The following MDGA1 variants were observed in gnomAD, a reference collection of about 807,000 sequenced individuals.
MDGA1 encodes MAM domain containing glycosylphosphatidylinositol anchor 1.
MDGA1 carries 54 observed loss-of-function variants against 101.5 expected under a neutral mutation model. The observed-to-expected ratio is 0.53, with a 90% confidence interval of 0.43 to 0.67. MDGA1 has a LOEUF of 0.67. Among genes scored for constraint, MDGA1 ranks in the 30% least tolerant of loss-of-function variants. MDGA1 has a pLI of 0.00. For missense variants in MDGA1, 1,083 were observed against 1,323.8 expected (o/e 0.82, Z 2.82); for synonymous variants, 533 against 558.3 (o/e 0.95, Z 0.64).
intron 1 of MDGA1, among the ~76,000 whole-genome samples, chr6:37,680,524 G>A (rs1299786291): frequency 6.6e-6 from 1 of 152,234 alleles, no homozygotes; most frequent in East Asian, 1.9e-4. Flanking sequence ...CTAGACACCT[G>A]GCAGCACTAG....
intron 1 of MDGA1, among the ~76,000 whole-genome samples, chr6:37,669,946 G>A (rs1471012335): frequency 1.3e-5 from 2 of 152,136 alleles, no homozygotes; most frequent in Non-Finnish European, 2.9e-5. Flanking sequence ...ATGATGACTC[G>A]AAAACAGGGA....
chr6:37,654,514 C>T lies in MDGA1; in HGVS notation c.742G>A (p.Glu248Lys), dbSNP rs368289358. 1.9e-6 allele frequency: 3 copies of T among 1,613,854 alleles called. No homozygotes were observed. Among genetic ancestry groups the T allele is most frequent in the South Asian group, 1.1e-5 (1 of 91,088 alleles). Residue 248 changes from glutamate to lysine, a missense_variant, in exon 6 of 17, where the codon GAA becomes AAA. This residue lies in a region of MDGA1 where 310 missense variants were observed against 355.9 expected (regional missense o/e 0.87). Coordinates refer to ENST00000434837, the MANE Select transcript of MDGA1 (RefSeq NM_153487.4). ...TCCCCAGGGTTCACCACCAGAGTTT[C>T]GTTCACAGACAGCTTCAGGGCTGGT... ...APPALKLSVN[E>K]TLVVNPGENV...
At chr6:37,692,897 T>C (rs1218424731) in intron 1 of MDGA1, among the ~76,000 whole-genome samples, 5 of 152,068 alleles carry the variant, frequency 3.3e-5, no homozygotes, top group African/African-American at 1.2e-4. Flanking sequence ...CGCCCACCCA[T>C]GAAGCAGATT....
chr6:37,644,341 G>A (rs1319725233), intron 13 of MDGA1, among the ~76,000 whole-genome samples, 156 bp downstream of exon 13: 3 of 152,038 alleles, frequency 2.0e-5, no homozygotes, highest in Admixed American at 1.3e-4. Flanking sequence ...CCCTGAAATC[G>A]AGGCTGTGTC....
intron 14 of MDGA1, among the ~76,000 whole-genome samples, chr6:37,640,473 G>A (rs569557883): frequency 6.6e-6 from 1 of 152,154 alleles, no homozygotes; most frequent in African/African-American, 2.4e-5. Flanking sequence ...CAAGTAGCTA[G>A]GACCGTAGGC....
intron 2 of MDGA1, among the ~76,000 whole-genome samples, chr6:37,660,973 C>T (rs1761610384): frequency 6.6e-6 from 1 of 152,168 alleles, no homozygotes; most frequent in African/African-American, 2.4e-5. Context: ...AGGGTTTCCT[C>T]ACTATTTGGA....
Position 37,633,894 on chromosome 6 carries a change from C to T in MDGA1, c.*3474G>A, listed in dbSNP as rs1433454170. ...GTGTGACCTTGGGCCACTCCCCTTCCCCACTCTGGGCTTCAGCTTCTTCAT... is the reference window on the plus strand; with the variant it reads ...GTGTGACCTTGGGCCACTCCCCTTCTCCACTCTGGGCTTCAGCTTCTTCAT... On this transcript the variant is annotated 3_prime_UTR_variant, in exon 17 of 17. Transcript: ENST00000434837. The T allele has an allele frequency of 6.6e-6, 1 of 152,514 alleles. No homozygotes were observed. Among genetic ancestry groups the T allele is most frequent in the Non-Finnish European group, 1.5e-5 (1 of 68,276 alleles). 9.4% of individuals were successfully genotyped at this position (152,514 alleles called of 1,614,324 possible). A position where few individuals can be genotyped will look rare whatever the true frequency, so the allele number is the denominator to read the frequency against.
At chr6:37,651,946 C>G in intron 7 of MDGA1, 65 bp downstream of exon 7, 1 of 1,376,528 alleles carries the variant, frequency 7.3e-7, no homozygotes. Flanking sequence ...TGCCTCCCCA[C>G]TACCTCCTGT....
At chr6:37,670,609 A>G (rs1421707265) in intron 1 of MDGA1, among the ~76,000 whole-genome samples, 2 of 152,242 alleles carry the variant, frequency 1.3e-5, no homozygotes, top group African/African-American at 4.8e-5. Flanking sequence ...GCAATCTAAA[A>G]ATGTCAGCCA....
At chr6:37,673,694 C>T (rs558523152) in intron 1 of MDGA1, among the ~76,000 whole-genome samples, 216 of 151,940 alleles carry the variant, frequency 1.4e-3, no homozygotes, top group African/African-American at 4.8e-3. Flanking sequence ...CACCACCAGC[C>T]GGGGGTGGAC....
chr6:37,654,178 C>T, intron 6 of MDGA1, 96 bp downstream of exon 6: 2 of 1,373,940 alleles, frequency 1.5e-6, no homozygotes, highest in Non-Finnish European at 1.9e-6. Context: ...CAAGGAGAAG[C>T]AGACAGGCCC....
chr6:37,696,616 G>C lies in MDGA1; in HGVS notation c.67+129C>G. The C allele has an allele frequency of 1.2e-6, 1 of 869,154 alleles. No individual in the cohort carries two copies. The highest frequency in any genetic ancestry group is 1.9e-6 in the Non-Finnish European group (1 of 540,314). 53.8% of individuals were successfully genotyped at this position (869,154 alleles called of 1,614,324 possible). On this transcript the variant is annotated intron_variant, in intron 1 of 16. Transcript: ENST00000434837. The surrounding 1 kb of genome is among the most constrained non-coding windows in gnomAD (Gnocchi z 5.6). ...GGTCTCCACGCGCCCTGGAGAGGGC[G>C]GGGACGCGGGCATCCACTCCAGAGT...
intron 2 of MDGA1, 132 bp downstream of exon 2, chr6:37,663,835 C>A: frequency 2.0e-6 from 2 of 1,001,726 alleles, no homozygotes; most frequent in Non-Finnish European, 2.9e-6. Context: ...TTCCCCAGCC[C>A]CCATCTCCTG....
chr6:37,655,672 A>G lies in MDGA1; in HGVS notation c.579+28T>C. On this transcript the variant is annotated intron_variant, in intron 4 of 16. Transcript: ENST00000434837. The surrounding 1 kb of genome is among the most constrained non-coding windows in gnomAD (Gnocchi z 5.1). The stretch of plus-strand genomic sequence containing the variant: ...CCCTGTTGGATGCAGGAGAAGTGGT[A>G]TGGGGCGAGCCAGCTGCCCATCCTG... The G allele has an allele frequency of 6.4e-7, 1 of 1,561,832 alleles. No homozygotes were observed. Among genetic ancestry groups the G allele is most frequent in the Non-Finnish European group, 8.7e-7 (1 of 1,150,446 alleles).
chr6:37,675,513 G>A (rs1013832272), intron 1 of MDGA1, among the ~76,000 whole-genome samples: 3 of 152,188 alleles, frequency 2.0e-5, no homozygotes, highest in Non-Finnish European at 4.4e-5. Context: ...GAAACCGAAT[G>A]AGGTCTACTT....
intron 1 of MDGA1, among the ~76,000 whole-genome samples, chr6:37,694,440 A>G (rs79031346): frequency 1.2e-3 from 185 of 152,346 alleles, no homozygotes; most frequent in African/African-American, 3.5e-3. Flanking sequence ...GCTGGATGCA[A>G]TGCCAGGCTG....
At chr6:37,667,163 A>G (rs906727442) in intron 1 of MDGA1, among the ~76,000 whole-genome samples, 6 of 152,250 alleles carry the variant, frequency 3.9e-5, no homozygotes, top group African/African-American at 1.2e-4. Context: ...AAACTTGGTC[A>G]GCAACTGGGA....
intron 1 of MDGA1, among the ~76,000 whole-genome samples, chr6:37,666,371 A>G (rs1365702759): frequency 6.6e-6 from 1 of 151,672 alleles, no homozygotes; most frequent in Non-Finnish European, 1.5e-5. Context: ...AAAAAAAAAA[A>G]AAAGAAAAGA....
chr6:37,638,741 C>G lies in MDGA1; in HGVS notation c.2537-74G>C. ...CTCACCTTTCCACATTTACCAAGCC[C>G]TCTTCTCCCACCATAGCCTGCAGCC... On this transcript the variant is annotated intron_variant, in intron 14 of 16. Transcript: ENST00000434837. The surrounding 1 kb of genome is among the most constrained non-coding windows in gnomAD (Gnocchi z 4.8). 6.5e-7 allele frequency: 1 copy of G among 1,535,466 alleles called. No homozygotes were observed. The highest frequency in any genetic ancestry group is 1.4e-5 in the African/African-American group (1 of 73,078).
Sources: allele counts gnomAD v4.1 joint callset (sites outside exome capture counted in the v4.1 genomes callset), GRCh38; gene constraint gnomAD v4.1.1; regional missense constraint gnomAD v4.1.1; non-coding constraint Gnocchi (gnomAD v3.1); transcripts MANE v1.5; gene names NCBI Gene and HGNC (gene_info 2026-07-23, HGNC 2026-07-21).